SEMA3A: variants seen among roughly 807,000 people sequenced by gnomAD.
SEMA3A encodes the protein semaphorin 3A, also known as semaphorin-3A.
Under a neutral mutation model 97.9 loss-of-function variants are expected in SEMA3A, and 29 were observed. The ratio of observed to expected loss-of-function variants is 0.30; its 90% CI spans 0.22 to 0.40. The LOEUF is 0.40. SEMA3A is among the 10% of genes least tolerant of loss of function. The pLI is 1.00. For synonymous variants in SEMA3A, 321 were observed against 323.7 expected (o/e 0.99, Z 0.09); for missense variants, 763 against 951.3 (o/e 0.80, Z 2.60).
chr7:84,185,692 G>GAAAAAAAAAAAAA (rs71078810), intron 1 of SEMA3A, among the ~76,000 whole-genome samples: 1 of 78,130 alleles, frequency 1.3e-5, no homozygotes, highest in Non-Finnish European at 2.3e-5. Context: ...ACTCTGGCAG[G>GAAAAAAAAAAAAA]AAAAAAAAAA....
intron 3 of SEMA3A, among the ~76,000 whole-genome samples, chr7:84,248,263 T>G (rs1284543507): frequency 6.6e-6 from 1 of 152,204 alleles, no homozygotes; most frequent in African/African-American, 2.4e-5. Flanking sequence ...TCCTTTAAAG[T>G]GGCTGTTAAT....
At chr7:83,975,834 GA>G (rs1473310416) in intron 15 of SEMA3A, among the ~76,000 whole-genome samples, 6 of 152,048 alleles carry the variant, frequency 3.9e-5, no homozygotes, top group Non-Finnish European at 8.8e-5. Context: ...ATTTTTCCAT[GA>G]AACAGATTAT....
At chr7:84,107,586 C>CAGA (rs1330110612) in intron 4 of SEMA3A, among the ~76,000 whole-genome samples, 1 of 152,160 alleles carries the variant, frequency 6.6e-6, no homozygotes, top group Non-Finnish European at 1.5e-5. Context: ...TCTCCCACCT[C>CAGA]AGAATGCTCG....
At chr7:84,334,950 A>T (rs1264773394) in intron 2 of SEMA3A, among the ~76,000 whole-genome samples, 1 of 152,086 alleles carries the variant, frequency 6.6e-6, no homozygotes, top group East Asian at 1.9e-4. Context: ...TCAAAAAAAC[A>T]ATAATGATTT....
At chr7:84,375,225 G>A (rs1335752863) in intron 1 of SEMA3A, among the ~76,000 whole-genome samples, 1 of 151,976 alleles carries the variant, frequency 6.6e-6, no homozygotes, top group Non-Finnish European at 1.5e-5. Flanking sequence ...TCACCATTTT[G>A]GCTAGGCTGA....
intron 2 of SEMA3A, among the ~76,000 whole-genome samples, chr7:84,348,102 C>G (rs993036968): frequency 1.2e-4 from 18 of 152,174 alleles, no homozygotes; most frequent in African/African-American, 3.1e-4. Context: ...GAACCTAAAA[C>G]TACTCCAAAA....
intron 6 of SEMA3A, among the ~76,000 whole-genome samples, chr7:84,022,582 A>G (rs891204094): frequency 3.3e-5 from 5 of 152,230 alleles, no homozygotes; most frequent in Non-Finnish European, 7.3e-5. Flanking sequence ...ATGCCATCTA[A>G]CAATAGTGTA....
intron 1 of SEMA3A, among the ~76,000 whole-genome samples, chr7:84,468,705 G>C (rs552467809): frequency 6.6e-6 from 1 of 152,194 alleles, no homozygotes; most frequent in East Asian, 1.9e-4. Flanking sequence ...GTGAGACAAA[G>C]AGATTTCTTA....
intron 1 of SEMA3A, among the ~76,000 whole-genome samples, chr7:84,137,400 CAA>C (rs59886680): frequency 7.0e-5 from 7 of 100,590 alleles, no homozygotes; most frequent in Admixed American, 2.2e-4. Context: ...CATTCAGTCT[CAA>C]AAAAAAAAAA....
At chr7:84,364,447 CT>C (rs1802798677) in intron 2 of SEMA3A, among the ~76,000 whole-genome samples, 1 of 151,594 alleles carries the variant, frequency 6.6e-6, no homozygotes, top group Non-Finnish European at 1.5e-5. Context: ...ATCCATCACC[CT>C]TTTGGATTAC....
upstream of SEMA3A, among the ~76,000 whole-genome samples, chr7:84,200,104 A>G (rs199934027): frequency 5.9e-5 from 9 of 151,638 alleles, no homozygotes; most frequent in East Asian, 1.8e-3. Context: ...ATGAATAGTG[A>G]TTTCAGTAAA....
In SEMA3A at chr7:84,081,939, T is replaced by C. The variant is rs937311047; in HGVS notation, c.454-21381A>G. On this transcript the variant is annotated intron_variant, in intron 4 of 16. Transcript: ENST00000265362. ...TAGATACACACAAAACTACAATGTA[T>C]ATTTTTGAAGAATAAAGAAACATTT... Among the ~76,000 whole-genome samples, 8 of 152,264 alleles carry C rather than the reference T, an allele frequency of 5.3e-5. No homozygotes were observed. The South Asian group carries it at 1.0e-3, about 20-fold the overall frequency.
chr7:84,069,243 C>T (rs1793655052), intron 4 of SEMA3A, among the ~76,000 whole-genome samples: 1 of 152,086 alleles, frequency 6.6e-6, no homozygotes, highest in Admixed American at 6.6e-5. Context: ...TCTGGCTGTG[C>T]CTTTTATTGG....
chr7:84,425,602 A>T (rs1804798096), intron 1 of SEMA3A, among the ~76,000 whole-genome samples: 1 of 147,010 alleles, frequency 6.8e-6, no homozygotes, highest in Non-Finnish European at 1.5e-5. Flanking sequence ...AAACATATTG[A>T]TATAAATATT....
chr7:84,193,054 A>AT (rs1584108615), intron 1 of SEMA3A, among the ~76,000 whole-genome samples: 1 of 152,104 alleles, frequency 6.6e-6, no homozygotes, highest in East Asian at 1.9e-4. Context: ...ACGCTACATG[A>AT]TTTTTTAAAA....
At chr7:83,978,080 G>A (rs1418743444) in intron 14 of SEMA3A, among the ~76,000 whole-genome samples, 1 of 151,976 alleles carries the variant, frequency 6.6e-6, no homozygotes, top group East Asian at 1.9e-4. Context: ...TGGGATTACA[G>A]CGTGAGCCAC....
intron 1 of SEMA3A, among the ~76,000 whole-genome samples, chr7:84,180,881 A>G (rs1797717291): frequency 6.6e-6 from 1 of 152,060 alleles, no homozygotes; most frequent in Admixed American, 6.6e-5. Context: ...TGTGGAGGCT[A>G]TTTCCTTTCT....
intron 1 of SEMA3A, among the ~76,000 whole-genome samples, chr7:84,384,606 T>C (rs1803354143): frequency 6.6e-6 from 1 of 152,186 alleles, no homozygotes; most frequent in Non-Finnish European, 1.5e-5. Context: ...GCCAGTATCC[T>C]GTGTGCAGTA....
intron 3 of SEMA3A, among the ~76,000 whole-genome samples, chr7:84,249,419 C>CT (rs1554351550): frequency 1.4e-5 from 2 of 146,732 alleles, no homozygotes; most frequent in South Asian, 2.2e-4. Flanking sequence ...ATCTATCTAT[C>CT]ATCTACATAT....
Sources: gnomAD v4.1 joint callset for allele counts (sites outside exome capture counted in the v4.1 genomes callset) on GRCh38, gnomAD v4.1.1 for gene constraint, MANE v1.5 for transcripts, NCBI Gene and HGNC (gene_info 2026-07-23, HGNC 2026-07-21) for gene names.